Variants in PBX1 observed in about 807,000 individuals in gnomAD.
The protein encoded by PBX1 is PBX homeobox 1.
Under a neutral mutation model 53.4 loss-of-function variants are expected in PBX1, and 6 were observed. The ratio of observed to expected loss-of-function variants is 0.11; its 90% CI spans 0.06 to 0.22. The LOEUF is 0.22. PBX1 is among the 10% of genes least tolerant of loss of function. PBX1 has a pLI of 1.00. For synonymous variants in PBX1, 204 were observed against 212.3 expected (o/e 0.96, Z 0.34); for missense variants, 251 against 551.4 (o/e 0.46, Z 5.46).
chr1:164,682,715 G>T (rs1462690280), intron 2 of PBX1: 1 of 152,262 alleles, frequency 6.6e-6, no homozygotes, highest in African/African-American at 2.4e-5. Context: ...GATGGAATTG[G>T]TAACTGAGTA....
At chr1:164,659,808 G>A (rs1162016051) in intron 2 of PBX1, among the ~76,000 whole-genome samples, 3 of 152,194 alleles carry the variant, frequency 2.0e-5, no homozygotes, top group Non-Finnish European at 4.4e-5. Context: ...GCAGAATCGA[G>A]GGTGGTGGCA....
At chr1:164,575,807 C>A (rs945608460) in intron 2 of PBX1, among the ~76,000 whole-genome samples, 11 of 151,964 alleles carry the variant, frequency 7.2e-5, no homozygotes, top group African/African-American at 2.7e-4. Context: ...GCACATCTTT[C>A]CTTTGTGCAT....
chr1:164,818,722 C>A (rs1669996970), intron 6 of PBX1: 1 of 151,388 alleles, frequency 6.6e-6, no homozygotes, highest in Non-Finnish European at 1.5e-5. Flanking sequence ...TATGAAAACA[C>A]CATGAATAGC....
chr1:164,593,042 C>CT (rs1217497712), intron 2 of PBX1, among the ~76,000 whole-genome samples: 1 of 151,916 alleles, frequency 6.6e-6, no homozygotes, highest in Non-Finnish European at 1.5e-5. Context: ...ACTGCAACCT[C>CT]TGTCTCCTGG....
intron 2 of PBX1, among the ~76,000 whole-genome samples, chr1:164,677,643 G>T (rs1661511924): frequency 6.6e-6 from 1 of 152,096 alleles, no homozygotes; most frequent in Non-Finnish European, 1.5e-5. Flanking sequence ...GAAAATTAAG[G>T]TTGGCTTCAT....
At chr1:164,824,130 T>C (rs2102373093) in intron 8 of PBX1, among the ~76,000 whole-genome samples, 1 of 152,260 alleles carries the variant, frequency 6.6e-6, no homozygotes, top group South Asian at 2.1e-4. Context: ...TGTGTTTGAT[T>C]CGGTGGAGGA....
intron 8 of PBX1, among the ~76,000 whole-genome samples, chr1:164,845,686 T>A (rs1671537299): frequency 6.6e-6 from 1 of 152,156 alleles, no homozygotes; most frequent in Non-Finnish European, 1.5e-5. Context: ...TTTAGAACAG[T>A]TTTAACAGTT....
chr1:164,649,622 G>C (rs1659670559), intron 2 of PBX1, among the ~76,000 whole-genome samples: 1 of 152,128 alleles, frequency 6.6e-6, no homozygotes, highest in Non-Finnish European at 1.5e-5. Flanking sequence ...AGCATAAGGA[G>C]CTCCCAGTCT....
chr1:164,859,768 G>A (rs16835577), intron 2 of PBX1, among the ~76,000 whole-genome samples: 7,805 of 152,190 alleles, frequency 0.051, 226 homozygotes, highest in East Asian at 0.097. Context: ...TACCCCAGGC[G>A]AATCTTCTGC....
At chr1:164,824,012 G>A (rs769335656) in intron 8 of PBX1, among the ~76,000 whole-genome samples, 1 of 152,038 alleles carries the variant, frequency 6.6e-6, no homozygotes, top group African/African-American at 2.4e-5. Flanking sequence ...GAGAGAGGAG[G>A]GGAGACAAGA....
At position 164,559,877 on chromosome 1, in the gene PBX1, C is replaced by T. The variant is rs765608918; in HGVS notation, c.55C>T (p.His19Tyr). 1 of 1,550,756 alleles carries T rather than the reference C, an allele frequency of 6.4e-7. No homozygotes were observed. Among genetic ancestry groups the T allele is most frequent in the Non-Finnish European group, 8.7e-7 (1 of 1,146,808 alleles). ...HSHAGVGMAG[H>Y]PGLSQHLQDG... Reference sequence around the variant, plus strand: ...CCATGCTGGGGTCGGGATGGCCGGACACCCCGGCCTGTCCCAGCACTTGCA... The same window carrying T: ...CCATGCTGGGGTCGGGATGGCCGGATACCCCGGCCTGTCCCAGCACTTGCA... Residue 19 changes from histidine (H) to tyrosine (Y), a missense_variant, in exon 1 of 9, where the codon CAC (histidine) becomes TAC (tyrosine). His to Tyr is a moderately conservative substitution (Grantham distance 83, BLOSUM62 2). This residue lies in a region of PBX1 where 63 missense variants were observed against 78.7 expected (regional missense o/e 0.80). Transcript: ENST00000420696.
At chr1:164,651,333 G>A (rs971388842) in intron 2 of PBX1, among the ~76,000 whole-genome samples, 1 of 151,944 alleles carries the variant, frequency 6.6e-6, no homozygotes, top group Non-Finnish European at 1.5e-5. Flanking sequence ...GACGGGGAAA[G>A]GTCTCTACCT....
intron 6 of PBX1, chr1:164,818,204 A>G (rs772257610): frequency 6.6e-6 from 1 of 152,244 alleles, no homozygotes; most frequent in Non-Finnish European, 1.5e-5. Flanking sequence ...TTATATATCT[A>G]CACGTGAGAA....
chr1:164,585,992 G>A (rs1215241158), intron 2 of PBX1, among the ~76,000 whole-genome samples: 6 of 152,114 alleles, frequency 3.9e-5, no homozygotes, highest in Admixed American at 3.9e-4. Context: ...TTCAACAAAT[G>A]GCTTTTTCCA....
intron 2 of PBX1, among the ~76,000 whole-genome samples, chr1:164,681,768 C>G (rs1295028468): frequency 6.6e-6 from 1 of 152,286 alleles, no homozygotes; most frequent in East Asian, 1.9e-4. Context: ...ATACACCCAT[C>G]CCCCATGACA....
rs1223642139 is a variant in PBX1, at chr1:164,881,139, G to A, written n.258-18049G>A. ...CCCTCCCCTTTTTCTCCCACCATGAGCCTAATCCTCCCGGGAGTCTGGAGA... is the reference window on the plus strand; with the variant it reads ...CCCTCCCCTTTTTCTCCCACCATGAACCTAATCCTCCCGGGAGTCTGGAGA... On this transcript the variant is annotated intron_variant and non_coding_transcript_variant, in intron 2 of 2. Transcript: ENST00000558796. Among the ~76,000 whole-genome samples the A allele has an allele frequency of 2.6e-5, 4 of 152,162 alleles. No individual in the cohort carries two copies. In the East Asian group the frequency reaches 7.7e-4, roughly 29 times the overall value.
intron 2 of PBX1, among the ~76,000 whole-genome samples, chr1:164,857,831 A>G (rs1672010635): frequency 6.6e-6 from 1 of 152,224 alleles, no homozygotes; most frequent in Admixed American, 6.5e-5. Flanking sequence ...TAAAATGAAG[A>G]CAATTCTAGT....
chr1:164,632,456 G>C (rs1658470351), intron 2 of PBX1, among the ~76,000 whole-genome samples: 1 of 152,124 alleles, frequency 6.6e-6, no homozygotes, highest in Non-Finnish European at 1.5e-5. Context: ...CCTGTCCTTA[G>C]GTTCACAGCA....
At chr1:164,565,422 G>GACACACACACACACACACAC (rs36118857) in intron 2 of PBX1, among the ~76,000 whole-genome samples, 1 of 145,904 alleles carries the variant, frequency 6.9e-6, no homozygotes, top group African/African-American at 2.5e-5. Context: ...TGTGTTAAGG[G>GACACACACACACACACACAC]ACACACACAC....
Sources: allele counts gnomAD v4.1 joint callset (sites outside exome capture counted in the v4.1 genomes callset), GRCh38; gene constraint gnomAD v4.1.1; regional missense constraint gnomAD v4.1.1; transcripts MANE v1.5; gene names NCBI Gene and HGNC (gene_info 2026-07-23, HGNC 2026-07-21).